Variants in ETV6 observed in about 807,000 individuals in gnomAD.
The protein encoded by ETV6 is ETS variant transcription factor 6.
A neutral mutation model predicts 51.1 loss-of-function variants in ETV6; 16 were observed. The observed-to-expected ratio is 0.31, with a 90% CI of 0.21 to 0.48. The LOEUF (loss-of-function observed/expected upper bound fraction) is 0.48, where lower values mean the gene tolerates loss of function less well. ETV6 is among the 20% of genes least tolerant of loss of function. ETV6 has a pLI of 0.99. For synonymous variants in ETV6, 240 were observed against 224.1 expected, an observed-to-expected ratio of 1.07 and a Z score of -0.64; for missense variants, 458 against 594.8, an observed-to-expected ratio of 0.77 and a Z score of 2.39.
At chr12:11,775,041 C>G (rs953848253) in intron 2 of ETV6, among the ~76,000 whole-genome samples, 1 of 152,238 alleles carries the variant, frequency 6.6e-6, no homozygotes, top group African/African-American at 2.4e-5. Context: ...TAGACGCCCT[C>G]TGTGTGCTGT....
chr12:11,774,381 C>A (rs73290596), intron 2 of ETV6, among the ~76,000 whole-genome samples: 5,343 of 152,248 alleles, frequency 0.035, 107 homozygotes, highest in South Asian at 0.13. Flanking sequence ...AATACTGGGG[C>A]TTGTGCAGAG....
At chr12:11,858,494 C>G (rs1289523838) in intron 4 of ETV6, among the ~76,000 whole-genome samples, 1 of 152,020 alleles carries the variant, frequency 6.6e-6, no homozygotes, top group African/African-American at 2.4e-5. Context: ...AATAAGCCTC[C>G]CTTCTGGGCT....
chr12:11,805,641 C>T (rs1446677010), intron 2 of ETV6, among the ~76,000 whole-genome samples: 2 of 152,076 alleles, frequency 1.3e-5, no homozygotes, highest in Non-Finnish European at 2.9e-5. Context: ...CTGTGAAGGC[C>T]CTGAGACTGG....
At chr12:11,679,814 G>A (rs1194674913) in intron 1 of ETV6, among the ~76,000 whole-genome samples, 12 of 152,160 alleles carry the variant, frequency 7.9e-5, no homozygotes, top group Admixed American at 7.9e-4. Context: ...GACTCCATGA[G>A]CCATCTAGGA....
rs556478367 is a variant in ETV6 at position 11,660,727 on chromosome 12, A to G, written c.33+10567A>G. ...AAGTTTATTGCTGGTTGTTATTTCC[A>G]GACCATTTGTCTTTCCCAAACTGCC... is the stretch of plus-strand genomic sequence containing the variant. On this transcript the variant is annotated intron_variant, in intron 1 of 7. Coordinates refer to ENST00000396373, the MANE Select transcript of ETV6 (RefSeq NM_001987.5). Among the ~76,000 whole-genome samples the G allele has an allele frequency of 6.6e-5, 10 of 152,210 alleles. No homozygotes were observed. In the East Asian group the frequency reaches 1.9e-3, roughly 29 times the overall value.
chr12:11,810,280 G>A lies in ETV6; in HGVS notation c.164-28860G>A, dbSNP rs550466709. 1.3e-4 allele frequency among the ~76,000 whole-genome samples: 20 copies of A among 152,280 alleles called. No individual in the cohort carries two copies. In the South Asian group the frequency reaches 4.1e-3, roughly 32 times the overall value. On this transcript the variant is annotated intron_variant, in intron 2 of 7. Coordinates refer to ENST00000396373, the MANE Select transcript of ETV6 (RefSeq NM_001987.5). ...ATGGGCTTTCTAGATGGACTTTCAA[G>A]TCCAAGTAGAAGTCCAACTTGAGAG...
chr12:11,705,348 G>A (rs757461595), intron 1 of ETV6, among the ~76,000 whole-genome samples: 1 of 152,176 alleles, frequency 6.6e-6, no homozygotes, highest in Non-Finnish European at 1.5e-5. Context: ...AGGTTTCCTG[G>A]TTTATAAATA....
intron 1 of ETV6, among the ~76,000 whole-genome samples, chr12:11,661,222 G>T (rs953328480): frequency 1.3e-5 from 2 of 152,124 alleles, no homozygotes; most frequent in African/African-American, 4.8e-5. Context: ...AGAACTCCTG[G>T]GCTCAAGTGA....
chr12:11,726,015 T>A (rs1865482071), intron 1 of ETV6, among the ~76,000 whole-genome samples: 1 of 152,248 alleles, frequency 6.6e-6, no homozygotes, highest in Non-Finnish European at 1.5e-5. Flanking sequence ...TAACTTCCCA[T>A]CTGACTCCCT....
At chr12:11,682,898 T>C (rs538171496) in intron 1 of ETV6, among the ~76,000 whole-genome samples, 2 of 152,336 alleles carry the variant, frequency 1.3e-5, no homozygotes, top group African/African-American at 4.8e-5. Context: ...CGTGTGGTGT[T>C]ATTTCTGAGG....
chr12:11,816,739 TGGGGGCACCACACAACAGAG>T (rs1946000317), intron 2 of ETV6, among the ~76,000 whole-genome samples: 1 of 152,062 alleles, frequency 6.6e-6, no homozygotes, highest in African/African-American at 2.4e-5. Context: ...CAAAGGATGG[TGGGGGCACCACACAACAGAG>T]AGCTGAGTTA....
intron 2 of ETV6, among the ~76,000 whole-genome samples, chr12:11,780,222 T>C (rs968112367): frequency 6.6e-6 from 1 of 152,200 alleles, no homozygotes; most frequent in Non-Finnish European, 1.5e-5. Context: ...TGTAGCTGTT[T>C]TTGTTTTTTT....
chr12:11,691,383 T>C (rs1346889971), intron 1 of ETV6, among the ~76,000 whole-genome samples: 1 of 152,098 alleles, frequency 6.6e-6, no homozygotes, highest in Admixed American at 6.5e-5. Flanking sequence ...TTCCCACACC[T>C]CCTCTCCCTT....
At chr12:11,760,405 A>G (rs1383695779) in intron 2 of ETV6, among the ~76,000 whole-genome samples, 5 of 152,208 alleles carry the variant, frequency 3.3e-5, no homozygotes, top group Non-Finnish European at 7.3e-5. Flanking sequence ...CCTAGAAGGG[A>G]AAGTTGACTG....
chr12:11,772,672 C>T lies in ETV6; in HGVS notation c.163+20093C>T, dbSNP rs892184660. Among the ~76,000 whole-genome samples, 5 of 152,278 alleles carry T rather than the reference C, an allele frequency of 3.3e-5. No homozygotes were observed. The East Asian group carries it at 9.6e-4, about 29-fold the overall frequency. ...CTAAAACAAACTAGCAGTTCTCTTC[C>T]ACCACCAAGTCAGAGCGTCTGTTCA... On this transcript the variant is annotated intron_variant, in intron 2 of 7. Coordinates refer to ENST00000396373, the MANE Select transcript of ETV6 (RefSeq NM_001987.5).
At chr12:11,675,124 G>A (rs180880184) in intron 1 of ETV6, among the ~76,000 whole-genome samples, 1 of 152,164 alleles carries the variant, frequency 6.6e-6, no homozygotes, top group African/African-American at 2.4e-5. Flanking sequence ...GCCCCTGAGA[G>A]TTTATTACCA....
chr12:11,768,897 A>G (rs1273070784), intron 2 of ETV6: 1 of 475,038 alleles, frequency 2.1e-6, no homozygotes, highest in South Asian at 1.5e-5. Flanking sequence ...TCTCCTTGTG[A>G]AATTCCTTGG....
chr12:11,693,728 T>C (rs1864816836), intron 1 of ETV6, among the ~76,000 whole-genome samples: 1 of 152,200 alleles, frequency 6.6e-6, no homozygotes, highest in African/African-American at 2.4e-5. Flanking sequence ...TTCCCTGCAC[T>C]ATCTCTGTCC....
In ETV6 at chr12:11,833,203, C is replaced by G. The variant is rs532690258; in HGVS notation, c.164-5937C>G. On this transcript the variant is annotated intron_variant, in intron 2 of 7. Transcript: ENST00000396373. ...AGCTAATGTTTTTTAAGTGATTGCT[C>G]TATGCCAGATATTGGCCTGTGTGTT... Among the ~76,000 whole-genome samples, 7 of 152,286 alleles carry G rather than the reference C, an allele frequency of 4.6e-5. No homozygotes were observed. The South Asian group carries it at 8.3e-4, about 18-fold the overall frequency.
Sources: gnomAD v4.1 joint callset for allele counts (sites outside exome capture counted in the v4.1 genomes callset) on GRCh38, gnomAD v4.1.1 for gene constraint, MANE v1.5 for transcripts, NCBI Gene and HGNC (gene_info 2026-07-23, HGNC 2026-07-21) for gene names.